The following KCNH8 variants were observed in gnomAD, a reference collection of about 807,000 sequenced individuals.
KCNH8 encodes potassium voltage-gated channel subfamily H member 8.
Under a neutral mutation model 103.6 loss-of-function variants are expected in KCNH8, and 70 were observed. The observed-to-expected ratio is 0.68, with a 90% CI of 0.56 to 0.82. The LOEUF (loss-of-function observed/expected upper bound fraction) is 0.82, where lower values mean the gene tolerates loss of function less well. Among genes scored for constraint, KCNH8 ranks in the 40% least tolerant of loss-of-function variants. The pLI, the probability that KCNH8 is intolerant of heterozygous loss-of-function variation, is 0.00. For missense variants in KCNH8, 1,217 were observed against 1,329.9 expected, an observed-to-expected ratio of 0.92 and a Z score of 1.32; for synonymous variants, 498 against 489.4, an observed-to-expected ratio of 1.02 and a Z score of -0.23.
chr3:19,191,135 C>T (rs1362543396), intron 1 of KCNH8, among the ~76,000 whole-genome samples: 3 of 151,766 alleles, frequency 2.0e-5, no homozygotes, highest in Non-Finnish European at 4.4e-5. Context: ...AAAATGGTGC[C>T]ATAAACCTAA....
At chr3:19,184,726 A>T (rs1030343087) in intron 1 of KCNH8, among the ~76,000 whole-genome samples, 1 of 151,920 alleles carries the variant, frequency 6.6e-6, no homozygotes, top group Non-Finnish European at 1.5e-5. Flanking sequence ...AATTTTGAGG[A>T]TATGTATGGA....
intron 7 of KCNH8, among the ~76,000 whole-genome samples, chr3:19,398,682 A>G (rs1054710131): frequency 3.3e-5 from 5 of 152,000 alleles, no homozygotes; most frequent in African/African-American, 1.2e-4. Context: ...TAAACTGACA[A>G]TAATAATAGT....
chr3:19,172,864 G>A (rs558084944), intron 1 of KCNH8, among the ~76,000 whole-genome samples: 1 of 152,044 alleles, frequency 6.6e-6, no homozygotes, highest in East Asian at 1.9e-4. Flanking sequence ...GTACCATAAA[G>A]TTTTTGTCAG....
At chr3:19,451,090 T>G in intron 9 of KCNH8, 65 bp from the exon 10 acceptor site, 1 of 1,532,486 alleles carries the variant, frequency 6.5e-7, no homozygotes, top group Non-Finnish European at 9.0e-7. Context: ...CCTGCTGTCT[T>G]GCAAAGTAAA....
intron 11 of KCNH8, among the ~76,000 whole-genome samples, chr3:19,498,445 A>C (rs952076774): frequency 8.5e-5 from 13 of 152,150 alleles, no homozygotes; most frequent in African/African-American, 2.4e-4. Flanking sequence ...CATGGTGGTA[A>C]TGAATTCCCT....
intron 1 of KCNH8, among the ~76,000 whole-genome samples, chr3:19,200,232 A>C (rs1166826892): frequency 1.3e-5 from 2 of 152,036 alleles, no homozygotes; most frequent in East Asian, 3.9e-4. Context: ...GATAATGTTG[A>C]CATAAAAGAT....
chr3:19,331,663 G>T (rs1454367862), intron 3 of KCNH8, among the ~76,000 whole-genome samples: 1 of 152,058 alleles, frequency 6.6e-6, no homozygotes, highest in South Asian at 2.1e-4. Context: ...TTTGGTACAG[G>T]CATACAATGC....
intron 1 of KCNH8, among the ~76,000 whole-genome samples, chr3:19,179,077 T>G (rs1219248931): frequency 5.3e-5 from 8 of 152,198 alleles, no homozygotes; most frequent in African/African-American, 7.2e-5. Flanking sequence ...ATAAACATTT[T>G]TTTTTCTTGG....
intron 11 of KCNH8, among the ~76,000 whole-genome samples, chr3:19,500,931 C>T (rs886082146): frequency 6.6e-6 from 1 of 152,044 alleles, no homozygotes; most frequent in Non-Finnish European, 1.5e-5. Flanking sequence ...AAGATCAGAG[C>T]AGAACTGAAG....
At chr3:19,501,741 ACT>A (rs1319802455) in intron 11 of KCNH8, among the ~76,000 whole-genome samples, 1 of 152,114 alleles carries the variant, frequency 6.6e-6, no homozygotes, top group East Asian at 1.9e-4. Flanking sequence ...CATGCTAAAA[ACT>A]CTCAATAAAT....
chr3:19,337,677 G>T (rs1032600663), intron 3 of KCNH8, among the ~76,000 whole-genome samples: 1 of 151,898 alleles, frequency 6.6e-6, no homozygotes, highest in Admixed American at 6.6e-5. Flanking sequence ...TTTCAAATGT[G>T]CCAGCTTTGC....
chr3:19,309,863 C>G (rs1328986079), intron 3 of KCNH8, among the ~76,000 whole-genome samples: 1 of 151,890 alleles, frequency 6.6e-6, no homozygotes, highest in African/African-American at 2.4e-5. Context: ...AATAGAGATG[C>G]AACAGGACAA....
chr3:19,516,113 G>A (rs955880663), intron 14 of KCNH8, among the ~76,000 whole-genome samples: 4 of 152,054 alleles, frequency 2.6e-5, no homozygotes, highest in Non-Finnish European at 5.9e-5. Context: ...AATAGGCAGA[G>A]ACAATCCAAA....
At chr3:19,479,653 A>C (rs1375414027) in intron 11 of KCNH8, among the ~76,000 whole-genome samples, 1 of 152,160 alleles carries the variant, frequency 6.6e-6, no homozygotes, top group African/African-American at 2.4e-5. Flanking sequence ...TGAGTCTACA[A>C]GAGGAAGAAA....
chr3:19,452,119 T>C (rs1048713792), intron 10 of KCNH8, among the ~76,000 whole-genome samples: 1 of 152,176 alleles, frequency 6.6e-6, no homozygotes, highest in African/African-American at 2.4e-5. Context: ...GCACGGTGGC[T>C]CATGCCTGTA....
chr3:19,281,135 G>C, intron 2 of KCNH8, 63 bp from the exon 3 acceptor site: 1 of 1,529,616 alleles, frequency 6.5e-7, no homozygotes, highest in Non-Finnish European at 8.9e-7. Context: ...TGATGATTGA[G>C]ATTTCCATAG....
chr3:19,182,645 G>A (rs1463540221), intron 1 of KCNH8, among the ~76,000 whole-genome samples: 1 of 152,176 alleles, frequency 6.6e-6, no homozygotes, highest in Non-Finnish European at 1.5e-5. Context: ...CTAGCACAAT[G>A]AAAAGACAAA....
intron 7 of KCNH8, among the ~76,000 whole-genome samples, chr3:19,423,425 C>A (rs1283142650): frequency 6.6e-6 from 1 of 151,732 alleles, no homozygotes; most frequent in African/African-American, 2.4e-5. Context: ...GTCTTTTATC[C>A]CTCACCCTCC....
chr3:19,395,363 G>A (rs756893529), intron 7 of KCNH8, 52 bp downstream of exon 7: 1 of 1,308,994 alleles, frequency 7.6e-7, no homozygotes, highest in South Asian at 1.2e-5. Flanking sequence ...AAAAAAAAGA[G>A]TATCAAGAAC....
Sources: gnomAD v4.1 joint callset for allele counts (sites outside exome capture counted in the v4.1 genomes callset) on GRCh38, gnomAD v4.1.1 for gene constraint, MANE v1.5 for transcripts, NCBI Gene and HGNC (gene_info 2026-07-23, HGNC 2026-07-21) for gene names.